The following BARX2 variants were observed in gnomAD, a reference collection of about 807,000 sequenced individuals.
BARX2 encodes BARX homeobox 2.
A neutral mutation model predicts 25.5 loss-of-function variants in BARX2; 11 were observed. The observed-to-expected ratio is 0.43, with a 90% CI of 0.27 to 0.71. BARX2 has a LOEUF of 0.71. BARX2 is among the 30% of genes least tolerant of loss of function. BARX2 has a pLI of 0.19. For synonymous variants in BARX2, 137 were observed against 149.5 expected (o/e 0.92, Z 0.61); for missense variants, 360 against 359.9 (o/e 1.00, Z 0.00).
chr11:129,375,992 C>G lies in BARX2; in HGVS notation c.-44C>G. 6.4e-6 allele frequency: 8 copies of G among 1,250,728 alleles called. No individual in the cohort carries two copies. The highest frequency in any genetic ancestry group is 8.1e-6 in the Non-Finnish European group (8 of 992,804). The allele number at this position is 1,250,728 out of a possible 1,614,324, so 77.5% of individuals were successfully genotyped here. On this transcript the variant is annotated 5_prime_UTR_variant, in exon 1 of 4. Transcript: ENST00000281437. This position sits in a 1 kb window ranked among gnomAD's most constrained non-coding sequence, Gnocchi z 4.0. ...CCCCGCGGCCCCAGCGGGCCGGGCA[C>G]TCGCAGCCGCGCTCGGGCCGGCGGA... is the stretch of plus-strand genomic sequence containing the variant.
intron 1 of BARX2, among the ~76,000 whole-genome samples, chr11:129,404,669 G>T (rs1272628320): frequency 6.6e-6 from 1 of 152,198 alleles, no homozygotes; most frequent in Non-Finnish European, 1.5e-5. Flanking sequence ...TCTTCTGAGG[G>T]CCTTGCTGTT....
In BARX2 at chr11:129,436,624, C is replaced by T; in HGVS notation, c.188-127C>T. 1 of 1,034,154 alleles carries T rather than the reference C, an allele frequency of 9.7e-7. No homozygotes were observed. Among genetic ancestry groups the T allele is most frequent in the Non-Finnish European group, 1.4e-6 (1 of 717,998 alleles). The allele number at this position is 1,034,154 out of a possible 1,614,324, so 64.1% of individuals were successfully genotyped here. A position where few individuals can be genotyped will look rare whatever the true frequency, so the allele number is the denominator to read the frequency against. ...GAGTTACCTCTCCTTCCCCTTCCTC[C>T]ATCTGTACCTCCTTAAGAGCAGGGC... On this transcript the variant is annotated intron_variant, in intron 1 of 3. Transcript: ENST00000281437. The surrounding 1 kb of genome is among the most constrained non-coding windows in gnomAD (Gnocchi z 4.5).
At chr11:129,389,231 T>G (rs1479348956) in intron 1 of BARX2, among the ~76,000 whole-genome samples, 1 of 152,220 alleles carries the variant, frequency 6.6e-6, no homozygotes, top group East Asian at 1.9e-4. Flanking sequence ...ATAATTATCT[T>G]ACAATAGTAA....
At chr11:129,383,718 T>C (rs1262173362) in intron 1 of BARX2, among the ~76,000 whole-genome samples, 1 of 152,154 alleles carries the variant, frequency 6.6e-6, no homozygotes, top group African/African-American at 2.4e-5. Context: ...GAAGCCAAGC[T>C]GGGAGGATCT....
intron 1 of BARX2, among the ~76,000 whole-genome samples, chr11:129,387,764 CAG>C (rs1411561061): frequency 6.6e-6 from 1 of 152,134 alleles, no homozygotes; most frequent in African/African-American, 2.4e-5. Context: ...TTAGAACAAT[CAG>C]GGGCTAAACA....
Position 129,451,653 on chromosome 11 carries a change from C to T in BARX2, c.*251C>T, listed in dbSNP as rs1055400322. The T allele has an allele frequency of 6.5e-5, 33 of 504,324 alleles. No homozygotes were observed. Among genetic ancestry groups the T allele is most frequent in the Admixed American group, 1.0e-4 (3 of 29,228 alleles). 31.2% of individuals were successfully genotyped at this position (504,324 alleles called of 1,614,324 possible). A position where few individuals can be genotyped will look rare whatever the true frequency, so the allele number is the denominator to read the frequency against. On this transcript the variant is annotated 3_prime_UTR_variant, in exon 4 of 4. Transcript: ENST00000281437. ...ATGCCCTTGATTAAGGGAGAGAGCGCCTAGGAGCTGCCTGCCCCAGCTGGG... is the reference window on the plus strand; with the variant it reads ...ATGCCCTTGATTAAGGGAGAGAGCGTCTAGGAGCTGCCTGCCCCAGCTGGG...
chr11:129,429,022 TC>T (rs1489046515), intron 1 of BARX2, among the ~76,000 whole-genome samples: 2 of 149,600 alleles, frequency 1.3e-5, no homozygotes, highest in African/African-American at 5.0e-5. Context: ...TTTTTTTTTT[TC>T]ATGAAGATTT....
intron 1 of BARX2, among the ~76,000 whole-genome samples, chr11:129,417,931 G>A (rs909949384): frequency 6.6e-6 from 1 of 152,220 alleles, no homozygotes; most frequent in Non-Finnish European, 1.5e-5. Context: ...AGATCCTGCA[G>A]TTTAAAAATA....
At chr11:129,439,832 C>T (rs572043208) in intron 2 of BARX2, among the ~76,000 whole-genome samples, 1 of 152,102 alleles carries the variant, frequency 6.6e-6, no homozygotes, top group Non-Finnish European at 1.5e-5. Flanking sequence ...GCACCTTTGT[C>T]TATGGTAGCA....
intron 3 of BARX2, among the ~76,000 whole-genome samples, chr11:129,450,589 G>T (rs1862385298): frequency 6.6e-6 from 1 of 152,112 alleles, no homozygotes. Context: ...TCCAACTTTT[G>T]CTGTTATAAC....
intron 1 of BARX2, among the ~76,000 whole-genome samples, chr11:129,429,979 G>A (rs57469160): frequency 0.01 from 1,591 of 152,232 alleles, 31 homozygotes; most frequent in African/African-American, 0.035. Context: ...TCTGGTCTTC[G>A]TGGTTTTCTA....
At chr11:129,407,194 C>T (rs763932534) in intron 1 of BARX2, among the ~76,000 whole-genome samples, 7 of 152,198 alleles carry the variant, frequency 4.6e-5, no homozygotes, top group African/African-American at 7.2e-5. Flanking sequence ...TGCTTGAATA[C>T]GGCTGGTGGA....
At chr11:129,383,368 C>G (rs1448321883) in intron 1 of BARX2, among the ~76,000 whole-genome samples, 1 of 152,066 alleles carries the variant, frequency 6.6e-6, no homozygotes, top group Non-Finnish European at 1.5e-5. Context: ...AGCCATGCAC[C>G]TAGATAGATA....
In BARX2 at chr11:129,451,434, G is replaced by A. The variant is rs1862400216; in HGVS notation, c.*32G>A. On this transcript the variant is annotated 3_prime_UTR_variant, in exon 4 of 4. Coordinates refer to ENST00000281437, the MANE Select transcript of BARX2 (RefSeq NM_003658.5). ...ACCCTTTTGAGGGAAGAGGGAGACT[G>A]GGGAGAAGGGAAAAGAGAGAAGGCA... The A allele has an allele frequency of 5.6e-6, 9 of 1,595,782 alleles. No individual in the cohort carries two copies. The highest frequency in any genetic ancestry group is 6.9e-6 in the Non-Finnish European group (8 of 1,167,778).
chr11:129,375,661 A>G (rs1267987948), upstream of BARX2, among the ~76,000 whole-genome samples: 4 of 150,882 alleles, frequency 2.7e-5, no homozygotes, highest in African/African-American at 9.8e-5. The surrounding 1 kb of genome is among the most constrained non-coding windows in gnomAD (Gnocchi z 4.0). Context: ...GAGACACCAG[A>G]GCGGGAGGCA....
chr11:129,399,827 C>A (rs1185000849), intron 1 of BARX2, among the ~76,000 whole-genome samples: 1 of 152,076 alleles, frequency 6.6e-6, no homozygotes, highest in Middle Eastern at 3.2e-3. Flanking sequence ...AGGGGTGGTA[C>A]CTTCTGGGTG....
At chr11:129,442,490 T>C (rs964452317) in intron 2 of BARX2, among the ~76,000 whole-genome samples, 2 of 152,176 alleles carry the variant, frequency 1.3e-5, no homozygotes, top group Admixed American at 1.3e-4. Context: ...GTCTGGACGA[T>C]GGGCCAGAGG....
At chr11:129,400,252 G>A (rs1423596678) in intron 1 of BARX2, among the ~76,000 whole-genome samples, 2 of 152,132 alleles carry the variant, frequency 1.3e-5, no homozygotes, top group Non-Finnish European at 2.9e-5. Context: ...TAGTAAAGGG[G>A]TACAAACATA....
intron 2 of BARX2, chr11:129,442,570 G>T: frequency 2.2e-6 from 1 of 460,216 alleles, no homozygotes. Flanking sequence ...ATCCTTCTCA[G>T]GTCCCTTGCA....
Sources: allele counts gnomAD v4.1 joint callset (sites outside exome capture counted in the v4.1 genomes callset), GRCh38; gene constraint gnomAD v4.1.1; non-coding constraint Gnocchi (gnomAD v3.1); transcripts MANE v1.5; gene names NCBI Gene and HGNC (gene_info 2026-07-23, HGNC 2026-07-21).